The following DLG2 variants were observed in gnomAD, a reference collection of about 807,000 sequenced individuals.
DLG2 encodes discs large MAGUK scaffold protein 2.
A neutral mutation model predicts 132.5 loss-of-function variants in DLG2; 45 were observed. The observed-to-expected ratio is 0.34, with a 90% CI of 0.27 to 0.44. The LOEUF is 0.44. Among genes scored for constraint, DLG2 ranks in the 20% least tolerant of loss-of-function variants. The pLI is 1.00. For missense variants in DLG2, 1,045 were observed against 1,196.9 expected, an observed-to-expected ratio of 0.87 and a Z score of 1.87; for synonymous variants, 424 against 419.6, an observed-to-expected ratio of 1.01 and a Z score of -0.13.
intron 6 of DLG2, among the ~76,000 whole-genome samples, chr11:84,830,964 C>CT (rs1555246517): frequency 1.0e-4 from 11 of 110,190 alleles, no homozygotes; most frequent in Non-Finnish European, 1.6e-4. Context: ...CCCCACCCCC[C>CT]CCAGCTCTGT....
intron 11 of DLG2, among the ~76,000 whole-genome samples, chr11:83,984,720 A>G (rs2154177471): frequency 6.6e-6 from 1 of 152,240 alleles, no homozygotes; most frequent in East Asian, 1.9e-4. Flanking sequence ...TGGATACATA[A>G]TAAATGTAAA....
chr11:84,089,716 TAAAGA>T (rs2097056941), intron 10 of DLG2, among the ~76,000 whole-genome samples: 2 of 152,232 alleles, frequency 1.3e-5, no homozygotes, highest in South Asian at 4.1e-4. Context: ...GCAATGGATT[TAAAGA>T]AAAGAAAACT....
At chr11:83,562,287 G>GAATC (rs1373564069) in intron 19 of DLG2, among the ~76,000 whole-genome samples, 2 of 152,082 alleles carry the variant, frequency 1.3e-5, no homozygotes, top group African/African-American at 4.8e-5. Flanking sequence ...TTAACTCTTA[G>GAATC]AATCAACACA....
At chr11:84,810,689 C>A (rs573745822) in intron 6 of DLG2, among the ~76,000 whole-genome samples, 1 of 152,178 alleles carries the variant, frequency 6.6e-6, no homozygotes, top group East Asian at 1.9e-4. Flanking sequence ...CCTGAAATAA[C>A]TCAGACAACC....
At chr11:83,885,446 T>C (rs999185329) in intron 15 of DLG2, among the ~76,000 whole-genome samples, 3 of 152,178 alleles carry the variant, frequency 2.0e-5, no homozygotes, top group African/African-American at 7.2e-5. Context: ...TATGGGACTA[T>C]GTGAAAAGAC....
chr11:84,091,504 A>C (rs1438666520), intron 10 of DLG2, among the ~76,000 whole-genome samples: 3 of 152,222 alleles, frequency 2.0e-5, no homozygotes, highest in Non-Finnish European at 4.4e-5. Context: ...TCCCAAGTCC[A>C]ATCATGAGGC....
At chr11:84,343,846 C>T (rs774560884) in intron 7 of DLG2, among the ~76,000 whole-genome samples, 1 of 152,072 alleles carries the variant, frequency 6.6e-6, no homozygotes, top group Non-Finnish European at 1.5e-5. Flanking sequence ...AGACATTCAT[C>T]AGTAAAAAAT....
chr11:85,021,620 G>A (rs367999586), intron 6 of DLG2: 6 of 1,324,202 alleles, frequency 4.5e-6, no homozygotes, highest in East Asian at 4.6e-5. Context: ...TTCATGGAGC[G>A]AGGATCTGTC....
chr11:83,982,203 T>C (rs929139104), intron 11 of DLG2, among the ~76,000 whole-genome samples: 3 of 152,136 alleles, frequency 2.0e-5, no homozygotes, highest in Non-Finnish European at 4.4e-5. Flanking sequence ...ATGCTTTTTA[T>C]TGTTATATTT....
intron 3 of DLG2, among the ~76,000 whole-genome samples, chr11:85,492,637 T>A (rs1473873552): frequency 6.6e-6 from 1 of 152,196 alleles, no homozygotes; most frequent in Non-Finnish European, 1.5e-5. Flanking sequence ...AAGTGTCTGC[T>A]TCCCTTTATT....
chr11:85,566,821 C>G (rs1245572255), intron 3 of DLG2, among the ~76,000 whole-genome samples: 1 of 152,156 alleles, frequency 6.6e-6, no homozygotes, highest in African/African-American at 2.4e-5. Context: ...ATTTAGGTCT[C>G]TAATCCCCTT....
chr11:84,940,553 C>A (rs1381034578), intron 6 of DLG2, among the ~76,000 whole-genome samples: 1 of 152,166 alleles, frequency 6.6e-6, no homozygotes, highest in Non-Finnish European at 1.5e-5. Flanking sequence ...AGATCTTTTG[C>A]CCATTTTTCA....
chr11:85,382,530 A>C (rs1320186990), intron 3 of DLG2, among the ~76,000 whole-genome samples: 1 of 152,108 alleles, frequency 6.6e-6, no homozygotes, highest in African/African-American at 2.4e-5. Context: ...TTTGTACTCC[A>C]AGTGAAACTA....
At chr11:83,570,408 G>T (rs1050164731) in intron 19 of DLG2, among the ~76,000 whole-genome samples, 7 of 152,118 alleles carry the variant, frequency 4.6e-5, no homozygotes, top group African/African-American at 1.2e-4. Context: ...AAATGTGAAG[G>T]AATATCATTA....
At chr11:84,208,417 T>C (rs2096706157) in intron 8 of DLG2, among the ~76,000 whole-genome samples, 2 of 148,098 alleles carry the variant, frequency 1.4e-5, no homozygotes, top group Non-Finnish European at 3.0e-5. Flanking sequence ...AATCTCAGCC[T>C]ACGGCAACCT....
chr11:84,048,959 A>G lies in DLG2; in HGVS notation c.919+10356T>C, dbSNP rs572925861. Among the ~76,000 whole-genome samples the G allele has an allele frequency of 2.6e-5, 4 of 151,884 alleles. No individual in the cohort carries two copies. The South Asian group carries it at 8.3e-4, about 31-fold the overall frequency. On this transcript the variant is annotated intron_variant, in intron 11 of 27. Coordinates refer to ENST00000376104, the MANE Select transcript of DLG2 (RefSeq NM_001142699.3). ...TTAAGAACAGTGCATTTAATTTTCA[A>G]TTAAAATTTTAATTCATTCAGTGTT...
At chr11:83,882,620 A>G (rs971973442) in intron 15 of DLG2, among the ~76,000 whole-genome samples, 4 of 152,238 alleles carry the variant, frequency 2.6e-5, no homozygotes, top group African/African-American at 4.8e-5. Flanking sequence ...TTAAATACCA[A>G]TAAAACACTC....
chr11:84,865,577 A>G (rs1238183942), intron 6 of DLG2, among the ~76,000 whole-genome samples: 1 of 152,198 alleles, frequency 6.6e-6, no homozygotes, highest in Non-Finnish European at 1.5e-5. Flanking sequence ...ATGTAGCCAA[A>G]AACCACATAA....
At chr11:83,483,980 G>A in intron 22 of DLG2, 149 bp downstream of exon 22, 1 of 643,482 alleles carries the variant, frequency 1.6e-6, no homozygotes, top group Admixed American at 2.9e-5. Flanking sequence ...ACTGTAGTCA[G>A]ACGCTGGTCA....
Sources: allele counts gnomAD v4.1 joint callset (sites outside exome capture counted in the v4.1 genomes callset), GRCh38; gene constraint gnomAD v4.1.1; transcripts MANE v1.5; gene names NCBI Gene and HGNC (gene_info 2026-07-23, HGNC 2026-07-21).